Variants in CCDC12 observed in about 807,000 individuals in gnomAD.
The protein encoded by CCDC12 is coiled-coil domain containing 12, also known as coiled-coil domain-containing protein 12.
In CCDC12, 28 loss-of-function variants were observed where a neutral mutation model predicts 25.7. That is an observed-to-expected ratio of 1.09 (90% CI 0.81 to 1.50). The LOEUF (loss-of-function observed/expected upper bound fraction) is 1.50, where lower values mean the gene tolerates loss of function less well. Ranked by LOEUF, CCDC12 falls within the 40% of genes most tolerant of loss-of-function variation. CCDC12 has a pLI of 0.00. For missense variants in CCDC12, 198 were observed against 210.0 expected, an observed-to-expected ratio of 0.94 and a Z score of 0.35; for synonymous variants, 75 against 87.7, an observed-to-expected ratio of 0.86 and a Z score of 0.81.
At chr3:46,976,476 G>A in intron 1 of CCDC12, 161 bp downstream of exon 1, 1 of 1,435,378 alleles carries the variant, frequency 7.0e-7, no homozygotes, top group Admixed American at 2.8e-5. Context: ...AGCAGCCCCA[G>A]ACATCGTGGG....
intron 1 of CCDC12, among the ~76,000 whole-genome samples, chr3:46,966,703 C>T (rs915110636): frequency 5.3e-5 from 8 of 152,038 alleles, no homozygotes; most frequent in African/African-American, 1.7e-4. Flanking sequence ...GGATGGATGT[C>T]CCGGCTGGGG....
At chr3:46,930,925 C>T (rs2033184289) in intron 2 of CCDC12, among the ~76,000 whole-genome samples, 1 of 152,252 alleles carries the variant, frequency 6.6e-6, no homozygotes, top group African/African-American at 2.4e-5. Flanking sequence ...CTGTCTTTCA[C>T]AGCCTGCCCT....
intron 1 of CCDC12, among the ~76,000 whole-genome samples, chr3:46,964,366 T>A (rs1273077484): frequency 2.0e-5 from 3 of 149,064 alleles, no homozygotes; most frequent in Admixed American, 6.7e-5. Context: ...CCGCCCCGTC[T>A]GGGAGGTGGG....
At chr3:46,967,290 G>C (rs1188336969) in intron 1 of CCDC12, among the ~76,000 whole-genome samples, 1 of 151,958 alleles carries the variant, frequency 6.6e-6, no homozygotes, top group Non-Finnish European at 1.5e-5. Flanking sequence ...GTCATCCAAG[G>C]GCATGTCAGC....
At chr3:46,926,484 G>A (rs2032964117) in intron 2 of CCDC12, among the ~76,000 whole-genome samples, 1 of 152,190 alleles carries the variant, frequency 6.6e-6, no homozygotes, top group Non-Finnish European at 1.5e-5. Flanking sequence ...ATGTTTTTAT[G>A]TTCTTCCTGC....
rs561886675 is a variant in CCDC12, at chr3:46,972,457, A to C, written c.96+4180T>G. ...ATGACAACTCAATAACAAGAAAAAG[A>C]GCCCAATTAAAAATATGGGCAAAAG... On this transcript the variant is annotated intron_variant, in intron 1 of 6. Transcript: ENST00000683445. Among the ~76,000 whole-genome samples the C allele has an allele frequency of 1.3e-3, 196 of 152,358 alleles. No homozygotes were observed. In the Middle Eastern group the frequency reaches 0.02, roughly 16 times the overall value.
intron 1 of CCDC12, among the ~76,000 whole-genome samples, chr3:46,947,610 T>G (rs1008495592): frequency 1.3e-5 from 2 of 152,198 alleles, no homozygotes; most frequent in African/African-American, 4.8e-5. Flanking sequence ...CTCGTCAGGC[T>G]GCAGAGCTCC....
intron 1 of CCDC12, among the ~76,000 whole-genome samples, chr3:46,949,665 T>C (rs964671998): frequency 2.6e-5 from 4 of 152,222 alleles, no homozygotes; most frequent in African/African-American, 7.2e-5. Flanking sequence ...AACAGGGGCA[T>C]GTGAGGATTA....
intron 1 of CCDC12, among the ~76,000 whole-genome samples, chr3:46,966,428 G>A (rs2034642091): frequency 6.6e-6 from 1 of 152,024 alleles, no homozygotes; most frequent in African/African-American, 2.4e-5. Flanking sequence ...CAGGAGAACG[G>A]CTTGAGCACG....
chr3:46,945,308 C>T (rs1031993910), intron 1 of CCDC12, among the ~76,000 whole-genome samples: 1 of 152,254 alleles, frequency 6.6e-6, no homozygotes, highest in Non-Finnish European at 1.5e-5. Context: ...ACGCTGATGG[C>T]TGGAGGGCAG....
chr3:46,962,558 A>G (rs1490579109), intron 1 of CCDC12, among the ~76,000 whole-genome samples: 3 of 152,206 alleles, frequency 2.0e-5, no homozygotes, highest in Non-Finnish European at 4.4e-5. Context: ...CTAGAAATCA[A>G]TAGGAAAAAC....
At chr3:46,946,822 C>G (rs1050510779) in intron 1 of CCDC12, among the ~76,000 whole-genome samples, 1 of 152,166 alleles carries the variant, frequency 6.6e-6, no homozygotes, top group African/African-American at 2.4e-5. Flanking sequence ...GCGGGTGTGC[C>G]GAAGCAGGAG....
chr3:46,924,708 C>T (rs748462675), intron 3 of CCDC12, among the ~76,000 whole-genome samples: 1 of 152,062 alleles, frequency 6.6e-6, no homozygotes, highest in Non-Finnish European at 1.5e-5. Context: ...ATTAGCCAGG[C>T]GCAGTGGCAC....
chr3:46,961,745 A>G (rs2034471408), intron 1 of CCDC12, among the ~76,000 whole-genome samples: 1 of 152,280 alleles, frequency 6.6e-6, no homozygotes, highest in Admixed American at 6.5e-5. Flanking sequence ...AATATATTTT[A>G]GCAGCTACCA....
intron 1 of CCDC12, among the ~76,000 whole-genome samples, chr3:46,947,470 G>T (rs373268406): frequency 5.3e-5 from 8 of 152,340 alleles, no homozygotes; most frequent in Admixed American, 2.0e-4. Context: ...GACTCACCCT[G>T]AAGATGGAGT....
At chr3:46,931,423 A>G (rs1048120278) in intron 2 of CCDC12, among the ~76,000 whole-genome samples, 3 of 152,198 alleles carry the variant, frequency 2.0e-5, no homozygotes, top group African/African-American at 7.2e-5. Context: ...AAGCTTTGAG[A>G]TTATGAATCT....
intron 1 of CCDC12, among the ~76,000 whole-genome samples, chr3:46,954,787 G>A (rs1451508322): frequency 6.6e-6 from 1 of 152,112 alleles, no homozygotes; most frequent in East Asian, 1.9e-4. Context: ...AGCTGGGCAT[G>A]GTGGCGGGCA....
chr3:46,931,879 T>C (rs1488787326), intron 2 of CCDC12, among the ~76,000 whole-genome samples: 1 of 152,140 alleles, frequency 6.6e-6, no homozygotes, highest in Non-Finnish European at 1.5e-5. Flanking sequence ...ATATTCAGAG[T>C]ACAGAGACAC....
intron 2 of CCDC12, 200 bp downstream of exon 2, chr3:46,940,797 TG>T: frequency 3.4e-6 from 2 of 583,438 alleles, no homozygotes; most frequent in Middle Eastern, 9.1e-4. Flanking sequence ...AAATGGAAAA[TG>T]AGGGAAAGGA....
Sources: gnomAD v4.1 joint callset for allele counts (sites outside exome capture counted in the v4.1 genomes callset) on GRCh38, gnomAD v4.1.1 for gene constraint, MANE v1.5 for transcripts, NCBI Gene and HGNC (gene_info 2026-07-23, HGNC 2026-07-21) for gene names.